Variants in ERMARD observed in about 807,000 individuals in gnomAD.
ERMARD encodes the protein ER membrane associated RNA degradation, also known as endoplasmic reticulum membrane-associated RNA degradation protein.
A neutral mutation model predicts 83.9 loss-of-function variants in ERMARD; 71 were observed. The ratio of observed to expected loss-of-function variants is 0.85; its 90% CI spans 0.70 to 1.03. The LOEUF is 1.03. Among genes scored for constraint, ERMARD ranks in the 50% least tolerant of loss-of-function variants. The probability of loss-of-function intolerance (pLI) is 0.00; values close to 1 mark genes in which losing one functional copy is unlikely to be tolerated. For missense variants in ERMARD, 838 were observed against 810.9 expected (o/e 1.03, Z -0.41); for synonymous variants, 284 against 298.6 (o/e 0.95, Z 0.50).
At chr6:169,759,476 A>T (rs947911438) in intron 6 of ERMARD, among the ~76,000 whole-genome samples, 4 of 151,996 alleles carry the variant, frequency 2.6e-5, no homozygotes, top group Non-Finnish European at 5.9e-5. Flanking sequence ...CTGGAGTGCC[A>T]TGATACATTC....
At chr6:169,755,222 G>A (rs1400874515) in intron 2 of ERMARD, 61 bp from the exon 3 acceptor site, 4 of 1,544,306 alleles carry the variant, frequency 2.6e-6, no homozygotes, top group African/African-American at 1.4e-5. Flanking sequence ...TGATGATGTA[G>A]ATATTTTATA....
chr6:169,762,254 T>G (rs777764210), intron 8 of ERMARD, among the ~76,000 whole-genome samples, 175 bp from the exon 9 acceptor site: 2 of 152,120 alleles, frequency 1.3e-5, no homozygotes, highest in African/African-American at 4.8e-5. Context: ...TCTGCTAATT[T>G]CTAAATTTTT....
At chr6:169,775,392 C>G in intron 14 of ERMARD, 46 bp downstream of exon 14, 1 of 1,586,108 alleles carries the variant, frequency 6.3e-7, no homozygotes, top group Non-Finnish European at 8.6e-7. Context: ...TTGTCTGGTA[C>G]TATTAGTTTC....
chr6:169,761,657 T>C (rs1177730901), intron 8 of ERMARD, among the ~76,000 whole-genome samples: 1 of 147,946 alleles, frequency 6.8e-6, no homozygotes, highest in Non-Finnish European at 1.5e-5. Flanking sequence ...GTGAAACTTT[T>C]GTTCTATGTG....
At chr6:169,764,769 G>A (rs1045295086) in intron 9 of ERMARD, among the ~76,000 whole-genome samples, 1 of 152,108 alleles carries the variant, frequency 6.6e-6, no homozygotes, top group Non-Finnish European at 1.5e-5. Context: ...TAGGCTTCTT[G>A]TCAGCTCCAG....
At chr6:169,767,754 A>G (rs567616311) in intron 10 of ERMARD, 8,141 of 221,404 alleles carry the variant, frequency 0.037, 158 homozygotes, top group Admixed American at 0.046. Context: ...AGGCACATAC[A>G]CTACACACAC....
intron 11 of ERMARD, 126 bp downstream of exon 11, chr6:169,768,297 C>CAGCACAGCAA: frequency 2.5e-6 from 2 of 795,422 alleles, no homozygotes; most frequent in Non-Finnish European, 2.0e-6. Flanking sequence ...CATTGCTGTG[C>CAGCACAGCAA]TGTCTCAGCT....
chr6:169,754,558 C>A (rs1790554896), intron 2 of ERMARD, among the ~76,000 whole-genome samples: 1 of 152,112 alleles, frequency 6.6e-6, no homozygotes, highest in African/African-American at 2.4e-5. Flanking sequence ...TTATTCCTTG[C>A]AGCATTGTTT....
chr6:169,764,980 C>T (rs940511183), intron 9 of ERMARD, among the ~76,000 whole-genome samples: 2 of 152,230 alleles, frequency 1.3e-5, no homozygotes, highest in Non-Finnish European at 2.9e-5. Flanking sequence ...GAGGTCTCTG[C>T]GGGTTCTCTG....
intron 12 of ERMARD, 78 bp downstream of exon 12, chr6:169,769,791 T>C: frequency 2.3e-6 from 3 of 1,307,918 alleles, no homozygotes; most frequent in Non-Finnish European, 2.0e-6. Flanking sequence ...TCAAATGTAA[T>C]TAACTGTTAA....
chr6:169,756,528 T>G, intron 4 of ERMARD, 89 bp downstream of exon 4: 1 of 1,078,492 alleles, frequency 9.3e-7, no homozygotes, highest in Non-Finnish European at 1.4e-6. Context: ...TTTTCTTGAT[T>G]ATTTTCCTAT....
At chr6:169,752,760 A>C (rs2128339389) in intron 1 of ERMARD, among the ~76,000 whole-genome samples, 1 of 152,292 alleles carries the variant, frequency 6.6e-6, no homozygotes, top group South Asian at 2.1e-4. Flanking sequence ...TTGCAGGTTT[A>C]TACGATGGTC....
At position 169,776,662 on chromosome 6, in the gene ERMARD, T is replaced by C. The variant is rs767098582; in HGVS notation, c.1728T>C (p.Arg576=). 6.2e-7 allele frequency: 1 copy of C among 1,613,664 alleles called. No individual in the cohort carries two copies. The highest frequency in any genetic ancestry group is 8.5e-7 in the Non-Finnish European group (1 of 1,179,988). Residue 576 remains arginine, a synonymous_variant, in exon 16 of 18, where the codon CGT becomes CGC. Coordinates refer to ENST00000366773, the MANE Select transcript of ERMARD (RefSeq NM_018341.3). The part of the protein sequence containing the change: ...LRSRQRQNYL[R]MWSSIRLLSP... ...CTCGCCAGCGGCAGAACTACCTGCG[T>C]ATGTGGAGTAGGTGCGCGCTCACTT...
rs1442439590 is a variant in ERMARD at position 169,760,727 on chromosome 6, A to C, written c.828A>C (p.Glu276Asp). ...FILKIMLPYW[E>D]VALVKFKSHR... is the part of the protein sequence containing the mutation. The stretch of plus-strand genomic sequence containing the variant: ...TAAAAATCATGTTACCATATTGGGA[A>C]GTTGCACTGGTCAAGTTCAAGTCAC... The change falls in exon 8 of 18, where the codon GAA (glutamate) becomes GAC (aspartate). Residue 276 changes from glutamate (E) to aspartate (D), a missense_variant. By Grantham distance (45) the Glu-to-Asp change is conservative (BLOSUM62 2). Coordinates refer to ENST00000366773, the MANE Select transcript of ERMARD (RefSeq NM_018341.3). The C allele has an allele frequency of 6.2e-7, 1 of 1,614,038 alleles. No homozygotes were observed. Among genetic ancestry groups the C allele is most frequent in the East Asian group, 2.2e-5 (1 of 44,876 alleles).
chr6:169,776,929 C>G (rs971495099), intron 16 of ERMARD, among the ~76,000 whole-genome samples: 1 of 152,198 alleles, frequency 6.6e-6, no homozygotes, highest in African/African-American at 2.4e-5. Flanking sequence ...GGCATGTACC[C>G]CAGGTACTTG....
intron 16 of ERMARD, among the ~76,000 whole-genome samples, chr6:169,778,729 G>A (rs1793873106): frequency 6.6e-6 from 1 of 152,246 alleles, no homozygotes; most frequent in South Asian, 2.1e-4. Flanking sequence ...CATGGGAAAA[G>A]TAAGATCTTA....
At chr6:169,758,161 G>A (rs748282234) in intron 5 of ERMARD, among the ~76,000 whole-genome samples, 6 of 152,330 alleles carry the variant, frequency 3.9e-5, no homozygotes, top group African/African-American at 7.2e-5. Flanking sequence ...TTCAGAATGC[G>A]TCCATATTCC....
chr6:169,764,353 C>A (rs979028414), intron 9 of ERMARD, among the ~76,000 whole-genome samples: 1 of 151,028 alleles, frequency 6.6e-6, no homozygotes, highest in Admixed American at 6.6e-5. Flanking sequence ...CAGCCTCAAT[C>A]CCCGGGCTCA....
intron 12 of ERMARD, among the ~76,000 whole-genome samples, chr6:169,772,336 G>T (rs1328317790): frequency 6.6e-6 from 1 of 152,204 alleles, no homozygotes; most frequent in Non-Finnish European, 1.5e-5. Flanking sequence ...GCACATGAGT[G>T]TACCTCCCGT....
Sources: allele counts gnomAD v4.1 joint callset (sites outside exome capture counted in the v4.1 genomes callset), GRCh38; gene constraint gnomAD v4.1.1; transcripts MANE v1.5; gene names NCBI Gene and HGNC (gene_info 2026-07-23, HGNC 2026-07-21).